The following SHTN1 variants were observed in gnomAD, a reference collection of about 807,000 sequenced individuals.
SHTN1 encodes the protein shootin 1, also known as shootin-1.
SHTN1 carries 42 observed loss-of-function variants against 83.1 expected under a neutral mutation model. The observed-to-expected ratio is 0.51, with a 90% CI of 0.39 to 0.65. The LOEUF is 0.65. Among genes scored for constraint, SHTN1 ranks in the 30% least tolerant of loss-of-function variants. SHTN1 has a pLI of 0.00. For synonymous variants in SHTN1, 224 were observed against 247.7 expected, an observed-to-expected ratio of 0.90 and a Z score of 0.90; for missense variants, 622 against 737.8, an observed-to-expected ratio of 0.84 and a Z score of 1.82.
chr10:116,946,964 G>A (rs1438065570), intron 7 of SHTN1, among the ~76,000 whole-genome samples: 2 of 151,600 alleles, frequency 1.3e-5, no homozygotes, highest in East Asian at 1.9e-4. Flanking sequence ...CAAGTAATCC[G>A]CCCACCTCAG....
At chr10:116,941,345 G>C (rs1378841943) in intron 8 of SHTN1, among the ~76,000 whole-genome samples, 4 of 152,202 alleles carry the variant, frequency 2.6e-5, no homozygotes, top group Non-Finnish European at 5.9e-5. Flanking sequence ...AAGGGAGACA[G>C]TATATTTTAT....
At chr10:117,051,516 A>T (rs1813983611) in intron 1 of SHTN1, among the ~76,000 whole-genome samples, 1 of 152,164 alleles carries the variant, frequency 6.6e-6, no homozygotes, top group Admixed American at 6.6e-5. Flanking sequence ...AATCCTCGAC[A>T]AAATACTAGT....
At chr10:117,062,708 C>A (rs1417094620) in intron 1 of SHTN1, among the ~76,000 whole-genome samples, 1 of 152,052 alleles carries the variant, frequency 6.6e-6, no homozygotes, top group African/African-American at 2.4e-5. Flanking sequence ...TTATTAGATT[C>A]TTTTGTATAA....
Position 116,886,245 on chromosome 10 carries a change from G to C in SHTN1, c.*99C>G. The C allele has an allele frequency of 2.7e-6, 4 of 1,485,546 alleles. No homozygotes were observed. Among genetic ancestry groups the C allele is most frequent in the Middle Eastern group, 4.1e-4 (2 of 4,874 alleles). The allele number at this position is 1,485,546 out of a possible 1,614,324, so 92.0% of individuals were successfully genotyped here. A position where few individuals can be genotyped will look rare whatever the true frequency, so the allele number is the denominator to read the frequency against. ...AAAGAACCTGTATTCTGAATACAGT[G>C]ACCAGAGCAGAATGTCTACAGCCCT... On this transcript the variant is annotated 3_prime_UTR_variant, in exon 17 of 17. Transcript: ENST00000355371.
rs117152138 is a variant in SHTN1 at position 116,888,521 on chromosome 10, G to C, written c.1674-1955C>G. Among the ~76,000 whole-genome samples, 474 of 152,294 alleles carry C rather than the reference G, an allele frequency of 3.1e-3. 3 individuals carry two copies. Among genetic ancestry groups the C allele is most frequent in the Non-Finnish European group, 5.1e-3 (345 of 68,024 alleles). On this transcript the variant is annotated intron_variant, in intron 16 of 16. Transcript: ENST00000355371. Reference sequence around the variant, plus strand: ...GAGGGAAGGCGGCTGTAAAGTGACAGAGACTGGGGACAAACTAGAGCTGCA... The same window carrying C: ...GAGGGAAGGCGGCTGTAAAGTGACACAGACTGGGGACAAACTAGAGCTGCA...
At chr10:117,022,067 C>T (rs939309316) in intron 2 of SHTN1, among the ~76,000 whole-genome samples, 1 of 152,124 alleles carries the variant, frequency 6.6e-6, no homozygotes, top group African/African-American at 2.4e-5. Context: ...ATCATTAATT[C>T]CTGCTTGAGT....
intron 2 of SHTN1, among the ~76,000 whole-genome samples, chr10:117,013,265 C>T (rs1474840887): frequency 6.6e-6 from 1 of 152,122 alleles, no homozygotes; most frequent in Non-Finnish European, 1.5e-5. Context: ...ACCTCTGCCT[C>T]CCTGGTTCAA....
intron 1 of SHTN1, among the ~76,000 whole-genome samples, chr10:117,099,474 CTG>C (rs1222680860): frequency 6.6e-6 from 1 of 152,132 alleles, no homozygotes; most frequent in Non-Finnish European, 1.5e-5. Flanking sequence ...TATCACTTCA[CTG>C]ATTTTGCTCT....
At chr10:117,065,844 GGAAGGAAGGAAA>G (rs1267258042) in intron 1 of SHTN1, among the ~76,000 whole-genome samples, 42 of 70,994 alleles carry the variant, frequency 5.9e-4, no homozygotes, top group African/African-American at 9.8e-4. Context: ...AAGGAAGGAA[GGAAGGAAGGAAA>G]GGAGGGAGGG....
At chr10:116,972,494 C>A (rs1850651761) in intron 2 of SHTN1, among the ~76,000 whole-genome samples, 1 of 152,178 alleles carries the variant, frequency 6.6e-6, no homozygotes, top group African/African-American at 2.4e-5. Context: ...TTTAGGTGAA[C>A]CCAGAAAAGA....
At chr10:116,955,100 C>CA (rs59777387) in intron 4 of SHTN1, among the ~76,000 whole-genome samples, 35,055 of 87,302 alleles carry the variant, frequency 0.4, 5,420 homozygotes, top group East Asian at 0.57. Context: ...TACTTCACAG[C>CA]AAAAAAAAAA....
intron 16 of SHTN1, among the ~76,000 whole-genome samples, chr10:116,895,225 G>A (rs1418264786): frequency 1.3e-5 from 2 of 152,060 alleles, no homozygotes; most frequent in Admixed American, 6.5e-5. Flanking sequence ...AAATTTTCAA[G>A]GTATTTGACT....
chr10:117,006,238 TTG>T (rs1491174391), upstream of SHTN1, among the ~76,000 whole-genome samples: 7 of 21,276 alleles, frequency 3.3e-4, no homozygotes, highest in Non-Finnish European at 1.0e-3. Flanking sequence ...CAGTTTTTTT[TTG>T]TTTTTTTTTT....
At chr10:116,897,643 T>A (rs894511777) in intron 16 of SHTN1, among the ~76,000 whole-genome samples, 6 of 152,238 alleles carry the variant, frequency 3.9e-5, no homozygotes, top group African/African-American at 1.4e-4. Flanking sequence ...ATTAAAATGC[T>A]TTTCCTATAT....
At chr10:117,011,963 A>G (rs1852112570) in intron 2 of SHTN1, among the ~76,000 whole-genome samples, 2 of 152,078 alleles carry the variant, frequency 1.3e-5, no homozygotes, top group Admixed American at 1.3e-4. Context: ...ACACGGTGAA[A>G]CCCTGTCTCT....
At chr10:116,900,160 C>T (rs1847680593) in intron 16 of SHTN1, among the ~76,000 whole-genome samples, 1 of 152,160 alleles carries the variant, frequency 6.6e-6, no homozygotes, top group African/African-American at 2.4e-5. Flanking sequence ...TACACGGCAT[C>T]AGTTATTTTA....
At chr10:117,056,225 G>GTA (rs1194244143) in intron 1 of SHTN1, among the ~76,000 whole-genome samples, 1 of 152,154 alleles carries the variant, frequency 6.6e-6, no homozygotes, top group Non-Finnish European at 1.5e-5. Flanking sequence ...TATGAGGTTA[G>GTA]TATTACCCTG....
At chr10:116,948,801 TAGGAGA>T (rs1849676277) in intron 7 of SHTN1, 109 bp downstream of exon 7, 1 of 442,104 alleles carries the variant, frequency 2.3e-6, no homozygotes, top group Non-Finnish European at 3.3e-6. Flanking sequence ...AATCACAATA[TAGGAGA>T]AGATTTTATT....
intron 1 of SHTN1, among the ~76,000 whole-genome samples, chr10:117,093,220 T>C (rs1377307778): frequency 6.6e-6 from 1 of 152,030 alleles, no homozygotes; most frequent in African/African-American, 2.4e-5. Flanking sequence ...ATACATACAA[T>C]TAGAAATTGG....
Sources: allele counts gnomAD v4.1 joint callset (sites outside exome capture counted in the v4.1 genomes callset), GRCh38; gene constraint gnomAD v4.1.1; transcripts MANE v1.5; gene names NCBI Gene and HGNC (gene_info 2026-07-23, HGNC 2026-07-21).